ALKBH8: variants seen among roughly 807,000 people sequenced by gnomAD.
ALKBH8 encodes the protein alkB homolog 8, tRNA methyltransferase, also known as tRNA (carboxymethyluridine(34)-5-O)-methyltransferase ALKBH8.
A neutral mutation model predicts 59.8 loss-of-function variants in ALKBH8; 36 were observed. That is an observed-to-expected ratio of 0.60 (90% CI 0.46 to 0.79). ALKBH8 has a LOEUF of 0.79. ALKBH8 is among the 30% of genes least tolerant of loss of function. The pLI, the probability that ALKBH8 is intolerant of heterozygous loss-of-function variation, is 0.00. For missense variants in ALKBH8, 768 were observed against 801.0 expected, an observed-to-expected ratio of 0.96 and a Z score of 0.50; for synonymous variants, 276 against 273.6, an observed-to-expected ratio of 1.01 and a Z score of -0.09.
At chr11:107,505,287 G>T in intron 11 of ALKBH8, 72 bp from the exon 12 acceptor site, 1 of 1,212,112 alleles carries the variant, frequency 8.3e-7, no homozygotes. Flanking sequence ...CTGACCATAG[G>T]ACTGTTTTCA....
At chr11:107,527,063 G>A (rs1276406546) in intron 8 of ALKBH8, among the ~76,000 whole-genome samples, 6 of 151,814 alleles carry the variant, frequency 4.0e-5, no homozygotes, top group East Asian at 3.9e-4. Flanking sequence ...TTTTAGAATC[G>A]GTTTGTCAAT....
chr11:107,519,873 A>G (rs1161214707), intron 10 of ALKBH8, among the ~76,000 whole-genome samples: 1 of 152,192 alleles, frequency 6.6e-6, no homozygotes, highest in African/African-American at 2.4e-5. Context: ...CTGTTTCCTC[A>G]TCTAAAAAAT....
chr11:107,559,934 C>A (rs946140564), intron 2 of ALKBH8, among the ~76,000 whole-genome samples: 1 of 152,160 alleles, frequency 6.6e-6, no homozygotes, highest in Non-Finnish European at 1.5e-5. Context: ...TAAATGATAT[C>A]TAAAGCTTAC....
intron 7 of ALKBH8, among the ~76,000 whole-genome samples, chr11:107,535,675 A>T (rs566082081): frequency 2.6e-5 from 4 of 152,164 alleles, no homozygotes; most frequent in African/African-American, 4.8e-5. Context: ...GTCTGATGTA[A>T]CAATGGAGTA....
chr11:107,514,029 C>T (rs7931204), intron 10 of ALKBH8, among the ~76,000 whole-genome samples: 18,287 of 151,876 alleles, frequency 0.12, 1,305 homozygotes, highest in Admixed American at 0.21. Context: ...TGCACATGTA[C>T]GCTTGAACCT....
intron 8 of ALKBH8, among the ~76,000 whole-genome samples, chr11:107,526,437 A>G (rs751488954): frequency 6.6e-6 from 1 of 151,982 alleles, no homozygotes; most frequent in Non-Finnish European, 1.5e-5. Flanking sequence ...GGATCTGTCC[A>G]ACCCTTTTGC....
rs1409536271 is a variant in ALKBH8, at chr11:107,505,017, G to A, written c.1636C>T (p.Arg546Cys). Residue 546 changes from arginine (R) to cysteine (C), a missense_variant, in exon 12 of 12, where the codon CGT (arginine) becomes TGT (cysteine). Arg to Cys is a radical substitution (Grantham distance 180). Coordinates refer to ENST00000428149, the MANE Select transcript of ALKBH8 (RefSeq NM_138775.3). Reference sequence around the variant, plus strand: ...GCCGAGTCTCGACTGCCCATGTCACGCATTTGCTCCACAAGTGACCTCTGC... The same window carrying A: ...GCCGAGTCTCGACTGCCCATGTCACACATTTGCTCCACAAGTGACCTCTGC... ...SVQRSLVEQM[R>C]DMGSRDSASS... The A allele has an allele frequency of 1.4e-5, 21 of 1,551,546 alleles. No homozygotes were observed. The highest frequency in any genetic ancestry group is 2.0e-5 in the Admixed American group (1 of 50,966).
At chr11:107,551,324 A>C (rs944523095) in intron 6 of ALKBH8, among the ~76,000 whole-genome samples, 5 of 152,246 alleles carry the variant, frequency 3.3e-5, no homozygotes, top group African/African-American at 4.8e-5. Context: ...TAAAGTGTAG[A>C]TTTGCAAAGA....
chr11:107,565,266 C>T, intron 1 of ALKBH8: 1 of 438,320 alleles, frequency 2.3e-6, no homozygotes, highest in South Asian at 2.6e-5. Flanking sequence ...TGCAATCAGA[C>T]CGATTGTCAC....
At chr11:107,513,194 A>G (rs769028013) in intron 10 of ALKBH8, among the ~76,000 whole-genome samples, 18 of 152,230 alleles carry the variant, frequency 1.2e-4, no homozygotes, top group Admixed American at 2.6e-4. Context: ...GAACTTAAAC[A>G]AATTAACATG....
intron 8 of ALKBH8, among the ~76,000 whole-genome samples, chr11:107,528,861 T>A (rs1397435771): frequency 1.3e-5 from 2 of 152,152 alleles, no homozygotes; most frequent in Non-Finnish European, 2.9e-5. Flanking sequence ...TTCAATATAA[T>A]AGAAGAGACA....
At position 107,560,787 on chromosome 11, in the gene ALKBH8, T is replaced by A. The variant is rs754395147; in HGVS notation, c.107A>T (p.Glu36Val). ...KHTLLRHEGI[E>V]TVSYATQSLV... Reference sequence around the variant, plus strand: ...CACCTGAGTGGCATAGGATACTGTCTCAATGCCTTCATGTCTCAGCAAAGT... The same window carrying A: ...CACCTGAGTGGCATAGGATACTGTCACAATGCCTTCATGTCTCAGCAAAGT... Residue 36 changes from glutamate to valine, a missense_variant, in exon 2 of 12, where the codon GAG becomes GTG. Coordinates refer to ENST00000428149, the MANE Select transcript of ALKBH8 (RefSeq NM_138775.3). The A allele has an allele frequency of 3.7e-6, 6 of 1,613,082 alleles. No homozygotes were observed. The Admixed American group carries it at 1.0e-4, about 27-fold the overall frequency.
At position 107,522,323 on chromosome 11, in the gene ALKBH8, A is replaced by G. The variant is rs1435302850; in HGVS notation, c.1263T>C (p.Leu421=). The G allele has an allele frequency of 6.4e-7, 1 of 1,551,668 alleles. No homozygotes were observed. Among genetic ancestry groups the G allele is most frequent in the Non-Finnish European group, 8.7e-7 (1 of 1,146,962 alleles). ...CCATATATAACTCCTTATTGATGCC[A>G]AGATACTTTCCATTACCACATCCAA... ...ADIGCGNGKY[L]GINKELYMIG... Residue 421 remains leucine, a synonymous_variant, in exon 10 of 12, where the codon CTT becomes CTC. Coordinates refer to ENST00000428149, the MANE Select transcript of ALKBH8 (RefSeq NM_138775.3).
intron 7 of ALKBH8, among the ~76,000 whole-genome samples, chr11:107,544,324 A>C (rs1864163244): frequency 6.6e-6 from 1 of 152,186 alleles, no homozygotes; most frequent in South Asian, 2.1e-4. Context: ...TACTTCTTTG[A>C]CATTATCCTT....
chr11:107,565,402 T>G, intron 1 of ALKBH8, 199 bp downstream of exon 1: 1 of 659,146 alleles, frequency 1.5e-6, no homozygotes, highest in Non-Finnish European at 2.6e-6. Context: ...CACAAACACA[T>G]GCACCCTAAA....
At chr11:107,542,735 C>T (rs540243621) in intron 7 of ALKBH8, among the ~76,000 whole-genome samples, 1 of 152,184 alleles carries the variant, frequency 6.6e-6, no homozygotes, top group Non-Finnish European at 1.5e-5. Context: ...CAGGGCAAAA[C>T]CCCGTTTCTA....
In ALKBH8 at chr11:107,505,130, T is replaced by C. The variant is rs1163912942; in HGVS notation, c.1523A>G (p.Gln508Arg). The C allele has an allele frequency of 6.4e-7, 1 of 1,551,370 alleles. No homozygotes were observed. Among genetic ancestry groups the C allele is most frequent in the Admixed American group, 2.0e-5 (1 of 50,980 alleles). ...KALIYVWAMEQEYNKQKSKYL... is the reference protein window; with the variant it reads ...KALIYVWAMEREYNKQKSKYL... ...CTTGGACTTCTGCTTATTATATTCT[T>C]GTTCCATTGCCCAGACATAAATGAG... Residue 508 changes from glutamine (Q) to arginine (R), a missense_variant, in exon 12 of 12, where the codon CAA becomes CGA. Coordinates refer to ENST00000428149, the MANE Select transcript of ALKBH8 (RefSeq NM_138775.3).
chr11:107,545,948 A>ACAATG (rs1864234423), intron 7 of ALKBH8, among the ~76,000 whole-genome samples: 1 of 151,604 alleles, frequency 6.6e-6, no homozygotes, highest in African/African-American at 2.4e-5. Flanking sequence ...ATAACACAAC[A>ACAATG]ACGCACTCTT....
chr11:107,521,480 C>T (rs1863108626), intron 10 of ALKBH8, among the ~76,000 whole-genome samples: 1 of 152,002 alleles, frequency 6.6e-6, no homozygotes, highest in Non-Finnish European at 1.5e-5. Context: ...ATCTGACATA[C>T]TCCAACAACC....
Sources: gnomAD v4.1 joint callset for allele counts (sites outside exome capture counted in the v4.1 genomes callset) on GRCh38, gnomAD v4.1.1 for gene constraint, MANE v1.5 for transcripts, NCBI Gene and HGNC (gene_info 2026-07-23, HGNC 2026-07-21) for gene names.